GSK3B: variants seen among roughly 807,000 people sequenced by gnomAD.
GSK3B encodes glycogen synthase kinase 3 beta.
Under a neutral mutation model 56.4 loss-of-function variants are expected in GSK3B, and 15 were observed. The ratio of observed to expected loss-of-function variants is 0.27; its 90% CI spans 0.18 to 0.41. The LOEUF (loss-of-function observed/expected upper bound fraction) is 0.41, where lower values mean the gene tolerates loss of function less well. Among genes scored for constraint, GSK3B ranks in the 10% least tolerant of loss-of-function variants. GSK3B has a pLI of 1.00. For synonymous variants in GSK3B, 181 were observed against 188.9 expected (o/e 0.96, Z 0.34); for missense variants, 300 against 513.4 (o/e 0.58, Z 4.02).
chr3:120,022,968 A>T (rs1324218901), intron 1 of GSK3B, among the ~76,000 whole-genome samples: 1 of 152,198 alleles, frequency 6.6e-6, no homozygotes, highest in Non-Finnish European at 1.5e-5. Flanking sequence ...TGTCAAAAGT[A>T]GATAAGGACA....
At chr3:119,883,100 A>G (rs930179085) in intron 7 of GSK3B, among the ~76,000 whole-genome samples, 1 of 152,200 alleles carries the variant, frequency 6.6e-6, no homozygotes, top group African/African-American at 2.4e-5. Flanking sequence ...ATTACATGGG[A>G]AACAGAGATC....
chr3:119,958,398 T>TGGGG (rs2057236957), intron 2 of GSK3B, among the ~76,000 whole-genome samples: 3 of 7,942 alleles, frequency 3.8e-4, no homozygotes, highest in South Asian at 6.2e-3. Context: ...GGTGGGTGGG[T>TGGGG]GGGTGTGGCA....
intron 2 of GSK3B, among the ~76,000 whole-genome samples, chr3:119,990,163 G>A (rs1275380675): frequency 6.6e-6 from 1 of 151,856 alleles, no homozygotes; most frequent in African/African-American, 2.4e-5. Context: ...TGCTAGCCCC[G>A]AAATAAACCC....
chr3:119,859,805 G>A lies in GSK3B; in HGVS notation c.1096+3614C>T, dbSNP rs541978966. 3.9e-5 allele frequency among the ~76,000 whole-genome samples: 6 copies of A among 151,902 alleles called. No homozygotes were observed. In the South Asian group the frequency reaches 1.2e-3, roughly 32 times the overall value. ...TTCAGTCTGTCTGAGTCTGCATATT[G>A]CTCACTGGCTGCCCCAAATATCCTG... is the stretch of plus-strand genomic sequence containing the variant. On this transcript the variant is annotated intron_variant, in intron 9 of 10. Coordinates refer to ENST00000264235, the MANE Select transcript of GSK3B (RefSeq NM_001146156.2).
rs564063789 is a variant in GSK3B, at chr3:120,075,477, A to G, written c.88+17870T>C. ...ATTTGCAGATGGCATGATCCCATATATAGAAAACTCCAAAGACCACATGAA... is the reference window on the plus strand; with the variant it reads ...ATTTGCAGATGGCATGATCCCATATGTAGAAAACTCCAAAGACCACATGAA... On this transcript the variant is annotated intron_variant, in intron 1 of 10. Transcript: ENST00000264235. 2.0e-5 allele frequency among the ~76,000 whole-genome samples: 3 copies of G among 152,352 alleles called. No individual in the cohort carries two copies. In the South Asian group the frequency reaches 6.2e-4, roughly 32 times the overall value.
At chr3:119,837,893 T>C (rs2055715694) in intron 10 of GSK3B, among the ~76,000 whole-genome samples, 1 of 147,168 alleles carries the variant, frequency 6.8e-6, no homozygotes, top group Non-Finnish European at 1.5e-5. Context: ...TATATATAAA[T>C]ATATATTTTA....
chr3:120,007,057 A>G (rs2057735717), intron 1 of GSK3B, among the ~76,000 whole-genome samples: 1 of 152,176 alleles, frequency 6.6e-6, no homozygotes, highest in African/African-American at 2.4e-5. Context: ...AATCAAATAG[A>G]TGCAATAAAA....
At chr3:120,030,843 T>C (rs1414764927) in intron 1 of GSK3B, among the ~76,000 whole-genome samples, 2 of 152,240 alleles carry the variant, frequency 1.3e-5, no homozygotes, top group Non-Finnish European at 1.5e-5. Flanking sequence ...CTGAGCATAT[T>C]AGTCAAGCTA....
intron 1 of GSK3B, among the ~76,000 whole-genome samples, chr3:120,048,983 T>C (rs2058125717): frequency 1.3e-5 from 2 of 152,180 alleles, no homozygotes; most frequent in Non-Finnish European, 2.9e-5. Flanking sequence ...AAAAAATCCC[T>C]ATACATGTCA....
chr3:119,993,654 G>C (rs1419869277), intron 2 of GSK3B, among the ~76,000 whole-genome samples: 1 of 152,110 alleles, frequency 6.6e-6, no homozygotes, highest in African/African-American at 2.4e-5. Context: ...ACAGCAGCTA[G>C]GTTTTCTCAG....
intron 1 of GSK3B, among the ~76,000 whole-genome samples, chr3:120,066,157 C>T (rs560354518): frequency 4.6e-5 from 7 of 152,206 alleles, no homozygotes; most frequent in Admixed American, 3.9e-4. Flanking sequence ...TACAACCACA[C>T]CCTAGCTCTG....
At chr3:119,844,570 G>T (rs1362979137) in intron 9 of GSK3B, among the ~76,000 whole-genome samples, 2 of 152,152 alleles carry the variant, frequency 1.3e-5, no homozygotes, top group Non-Finnish European at 2.9e-5. Flanking sequence ...AAATAAACTA[G>T]AAAATCTAGA....
intron 8 of GSK3B, among the ~76,000 whole-genome samples, chr3:119,864,120 C>CCATT (rs1339856934): frequency 6.6e-6 from 1 of 152,044 alleles, no homozygotes; most frequent in Non-Finnish European, 1.5e-5. Flanking sequence ...ACAGAGCCTA[C>CCATT]CATTATTTGA....
At chr3:120,079,644 C>A (rs2058400733) in intron 1 of GSK3B, among the ~76,000 whole-genome samples, 1 of 152,154 alleles carries the variant, frequency 6.6e-6, no homozygotes. Flanking sequence ...ATCCACCCAT[C>A]TCAACCTTCC....
At chr3:119,890,338 C>T (rs2056487656) in intron 7 of GSK3B, among the ~76,000 whole-genome samples, 1 of 152,018 alleles carries the variant, frequency 6.6e-6, no homozygotes, top group African/African-American at 2.4e-5. Flanking sequence ...GGCAGCAACA[C>T]TGACGAATCT....
intron 1 of GSK3B, among the ~76,000 whole-genome samples, chr3:120,049,993 C>T (rs1380436180): frequency 1.3e-5 from 2 of 152,210 alleles, no homozygotes; most frequent in African/African-American, 4.8e-5. Flanking sequence ...ATTCACCTCA[C>T]AGTTCTACAG....
chr3:120,029,703 G>A lies in GSK3B; in HGVS notation c.89-27464C>T, dbSNP rs766637136. ...CATGGATACAGCAGAAATCTTCATG[G>A]GATGGAAATTTTTTTATCATGCAGT... On this transcript the variant is annotated intron_variant, in intron 1 of 10. Transcript: ENST00000264235. The A allele has an allele frequency of 1.5e-5, 8 of 532,908 alleles. No individual in the cohort carries two copies. In the Middle Eastern group the frequency reaches 1.8e-3, roughly 122 times the overall value. 33.0% of individuals were successfully genotyped at this position (532,908 alleles called of 1,614,324 possible).
Position 120,093,529 on chromosome 3 carries a change from T to C in GSK3B, c.-95A>G. 2.6e-6 allele frequency: 2 copies of C among 783,030 alleles called. No individual in the cohort carries two copies. The highest frequency in any genetic ancestry group is 4.5e-6 in the Non-Finnish European group (2 of 448,634). 48.5% of individuals were successfully genotyped at this position (783,030 alleles called of 1,614,324 possible). A position where few individuals can be genotyped will look rare whatever the true frequency, so the allele number is the denominator to read the frequency against. Reference sequence around the variant, plus strand: ...GTTAGGTTAACGATAAATGCAGCATTAAGTTCTCCCACAGAAGAAAAAGAA... The same window carrying C: ...GTTAGGTTAACGATAAATGCAGCATCAAGTTCTCCCACAGAAGAAAAAGAA... On this transcript the variant is annotated 5_prime_UTR_variant, in exon 1 of 11. Transcript: ENST00000264235.
intron 1 of GSK3B, among the ~76,000 whole-genome samples, chr3:120,040,409 A>T (rs1183410206): frequency 6.6e-6 from 1 of 152,210 alleles, no homozygotes; most frequent in Non-Finnish European, 1.5e-5. Flanking sequence ...GCAGCGAAAA[A>T]AGGGTGCAAG....
Sources: gnomAD v4.1 joint callset for allele counts (sites outside exome capture counted in the v4.1 genomes callset) on GRCh38, gnomAD v4.1.1 for gene constraint, MANE v1.5 for transcripts, NCBI Gene and HGNC (gene_info 2026-07-23, HGNC 2026-07-21) for gene names.